ANKRD31: variants seen among roughly 807,000 people sequenced by gnomAD.
The protein encoded by ANKRD31 is ankyrin repeat domain 31.
Under a neutral mutation model 186.0 loss-of-function variants are expected in ANKRD31, and 147 were observed. That is an observed-to-expected ratio of 0.79 (90% CI 0.69 to 0.91). The LOEUF (loss-of-function observed/expected upper bound fraction) is 0.91, where lower values mean the gene tolerates loss of function less well. Ranked by LOEUF, ANKRD31 falls within the 40% of genes least tolerant of loss-of-function variation. ANKRD31 has a pLI of 0.00. For missense variants in ANKRD31, 1,986 were observed against 2,148.8 expected (o/e 0.92, Z 1.50); for synonymous variants, 673 against 736.4 (o/e 0.91, Z 1.39).
intron 10 of ANKRD31, among the ~76,000 whole-genome samples, chr5:75,171,584 T>C (rs1034159154): frequency 1.3e-5 from 2 of 150,316 alleles, no homozygotes; most frequent in Admixed American, 1.3e-4. Flanking sequence ...CAAAAATAAG[T>C]AGAAGGCAGA....
intron 4 of ANKRD31, among the ~76,000 whole-genome samples, chr5:75,208,889 A>T (rs1756426940): frequency 6.6e-6 from 1 of 152,220 alleles, no homozygotes; most frequent in African/African-American, 2.4e-5. Context: ...TCACTGGGTT[A>T]TTGGGTAACC....
chr5:75,144,294 C>T (rs1751270245), intron 14 of ANKRD31, 123 bp from the exon 15 acceptor site: 1 of 387,842 alleles, frequency 2.6e-6, no homozygotes, highest in African/African-American at 2.1e-5. Context: ...AAAATGGAAG[C>T]TTTTAAAAAT....
intron 4 of ANKRD31, among the ~76,000 whole-genome samples, chr5:75,208,915 T>TC (rs956718614): frequency 2.6e-5 from 4 of 152,228 alleles, no homozygotes; most frequent in African/African-American, 9.6e-5. Context: ...CCTGTGATTT[T>TC]CCCCCATGTA....
In ANKRD31 at chr5:75,104,373, G is replaced by A. The variant is rs1183172072; in HGVS notation, c.5186C>T (p.Ser1729Phe). 3.9e-6 allele frequency: 6 copies of A among 1,537,166 alleles called. No homozygotes were observed. The South Asian group carries it at 7.1e-5, about 18-fold the overall frequency. ...ATCTTGTTGCCCAGATCCAGAGGAA[G>A]AGGAGATCTGACTGTCATCTGCACA... ...VPCADDSQIS[S>F]SSGSGQQDTI... is the part of the protein sequence containing the mutation. The change falls in exon 22 of 26, where the codon TCT (serine) becomes TTT (phenylalanine). Residue 1729 changes from serine (S) to phenylalanine (F), a missense_variant. Transcript: ENST00000506364.
At chr5:75,134,949 CT>C (rs1317147148) in intron 17 of ANKRD31, among the ~76,000 whole-genome samples, 3 of 152,132 alleles carry the variant, frequency 2.0e-5, no homozygotes, top group Non-Finnish European at 4.4e-5. Context: ...CAGAAAAGGC[CT>C]GCAACAAAAG....
intron 6 of ANKRD31, among the ~76,000 whole-genome samples, chr5:75,198,970 T>C (rs1229221132): frequency 6.6e-6 from 1 of 152,082 alleles, no homozygotes; most frequent in Non-Finnish European, 1.5e-5. Context: ...CAGGAAAGTG[T>C]AAGGTGTGGC....
At chr5:75,226,568 GA>G (rs1033161244) in intron 2 of ANKRD31, among the ~76,000 whole-genome samples, 2 of 151,570 alleles carry the variant, frequency 1.3e-5, no homozygotes, top group African/African-American at 2.4e-5. Context: ...AACTTTATAG[GA>G]AAAAAAATAT....
intron 25 of ANKRD31, among the ~76,000 whole-genome samples, chr5:75,079,813 A>T (rs908182706): frequency 1.3e-5 from 2 of 152,146 alleles, no homozygotes; most frequent in Non-Finnish European, 2.9e-5. Context: ...TAGAAGCAGT[A>T]AATTCAGGTC....
At chr5:75,202,246 C>T (rs16872461) in intron 5 of ANKRD31, among the ~76,000 whole-genome samples, 1 of 152,086 alleles carries the variant, frequency 6.6e-6, no homozygotes, top group Non-Finnish European at 1.5e-5. Flanking sequence ...GGACTCTTCT[C>T]GTTGACGAAA....
rs1295614659 is a variant in ANKRD31 at position 75,138,870 on chromosome 5, C to T, written c.3709G>A (p.Asp1237Asn). The T allele has an allele frequency of 7.2e-6, 11 of 1,536,428 alleles. No individual in the cohort carries two copies. Among genetic ancestry groups the T allele is most frequent in the Non-Finnish European group, 7.9e-6 (9 of 1,146,446 alleles). The change falls in exon 16 of 26, where the codon GAT becomes AAT. Residue 1237 changes from aspartate (D) to asparagine (N), a missense_variant. Transcript: ENST00000506364. ...LVKALIESGA[D>N]VNLNDNAGWT... ...CCTGCATTATCATTTAGATTCACAT[C>T]TGCTCCAGATTCTATCAGGGCTTTC...
At chr5:75,156,191 C>T (rs1752160066) in intron 11 of ANKRD31, among the ~76,000 whole-genome samples, 1 of 152,112 alleles carries the variant, frequency 6.6e-6, no homozygotes, top group African/African-American at 2.4e-5. Context: ...AGGTGTGAGC[C>T]ACTGTGCCTG....
chr5:75,195,844 G>T lies in ANKRD31; in HGVS notation c.804C>A (p.Ser268=). The part of the protein sequence containing the change: ...SLSSISIPLN[S]WSACHRDLLE... ...GTAAATCTCTATGACATGCCGACCA[G>T]GAATTCAAAGGTATTGATATGGAAC... The change falls in exon 7 of 26, where the codon TCC becomes TCA. Residue 268 remains serine, a synonymous_variant. Transcript: ENST00000506364. 1 of 1,537,174 alleles carries T rather than the reference G, an allele frequency of 6.5e-7. No individual in the cohort carries two copies. The highest frequency in any genetic ancestry group is 8.7e-7 in the Non-Finnish European group (1 of 1,146,836).
intron 3 of ANKRD31, among the ~76,000 whole-genome samples, chr5:75,217,513 C>G (rs944966083): frequency 1.3e-5 from 2 of 151,994 alleles, no homozygotes; most frequent in East Asian, 1.9e-4. Context: ...GAAGGGAATG[C>G]CCCTCTTTGT....
At chr5:75,097,190 G>A (rs982739175) in intron 22 of ANKRD31, among the ~76,000 whole-genome samples, 8 of 152,150 alleles carry the variant, frequency 5.3e-5, no homozygotes, top group Non-Finnish European at 7.4e-5. Context: ...TGGGATGGCT[G>A]GGTCAAATGG....
chr5:75,181,801 G>C (rs1251333195), intron 10 of ANKRD31, among the ~76,000 whole-genome samples: 1 of 151,572 alleles, frequency 6.6e-6, no homozygotes, highest in Non-Finnish European at 1.5e-5. Context: ...GAGTTAATGG[G>C]TGCAGCACAC....
At chr5:75,229,948 T>C (rs1321402925) in intron 2 of ANKRD31, among the ~76,000 whole-genome samples, 2 of 150,728 alleles carry the variant, frequency 1.3e-5, no homozygotes, top group African/African-American at 4.9e-5. Flanking sequence ...GTTCTCCCCA[T>C]GTTTGCATGG....
At chr5:75,230,086 CGT>C (rs1366657194) in intron 2 of ANKRD31, among the ~76,000 whole-genome samples, 11 of 151,724 alleles carry the variant, frequency 7.3e-5, no homozygotes, top group African/African-American at 2.7e-4. Flanking sequence ...TGTGTGCGCG[CGT>C]GTGTGCACGT....
intron 22 of ANKRD31, 107 bp from the exon 23 acceptor site, chr5:75,091,508 T>A: frequency 1.0e-6 from 1 of 987,354 alleles, no homozygotes; most frequent in Non-Finnish European, 1.4e-6. Context: ...CCCTAACACC[T>A]GATGTATTTT....
intron 17 of ANKRD31, among the ~76,000 whole-genome samples, chr5:75,135,440 C>T (rs955560971): frequency 1.3e-5 from 2 of 152,096 alleles, no homozygotes; most frequent in South Asian, 4.2e-4. Context: ...AATAAAATAC[C>T]TAGGAATCCA....
Sources: allele counts gnomAD v4.1 joint callset (sites outside exome capture counted in the v4.1 genomes callset), GRCh38; gene constraint gnomAD v4.1.1; transcripts MANE v1.5; gene names NCBI Gene and HGNC (gene_info 2026-07-23, HGNC 2026-07-21).